Variants in ZPBP2 observed in about 807,000 individuals in gnomAD.
ZPBP2 encodes zona pellucida binding protein 2.
ZPBP2 carries 34 observed loss-of-function variants against 37.5 expected under a neutral mutation model. The observed-to-expected ratio is 0.91, with a 90% CI of 0.69 to 1.21. The LOEUF is 1.21. Ranked by LOEUF, ZPBP2 falls within the 50% of genes most tolerant of loss-of-function variation. The probability of loss-of-function intolerance (pLI) is 0.00; values close to 1 mark genes in which losing one functional copy is unlikely to be tolerated. For missense variants in ZPBP2, 397 were observed against 413.5 expected, an observed-to-expected ratio of 0.96 and a Z score of 0.35; for synonymous variants, 143 against 138.4, an observed-to-expected ratio of 1.03 and a Z score of -0.23.
In ZPBP2 at chr17:39,868,484, G is replaced by GC; in HGVS notation, c.53-62dup. ...GGTCCTGCCTCCTTCGCCTCGCCCTGCCCTGCCCGACTCTGAACCCTGCTC... is the reference window on the plus strand; with the variant it reads ...GGTCCTGCCTCCTTCGCCTCGCCCTGCCCCTGCCCGACTCTGAACCCTGCTC... On this transcript the variant is annotated intron_variant, in intron 1 of 7. Transcript: ENST00000348931. 2.5e-6 allele frequency: 4 copies of GC among 1,613,196 alleles called. No homozygotes were observed. In the Admixed American group the frequency reaches 6.7e-5, roughly 27 times the overall value.
At chr17:39,869,973 C>T (rs2063355984) in intron 2 of ZPBP2, among the ~76,000 whole-genome samples, 1 of 152,076 alleles carries the variant, frequency 6.6e-6, no homozygotes, top group Admixed American at 6.5e-5. Context: ...CTTGGCCTCC[C>T]AAAGTGCTGG....
In ZPBP2 at chr17:39,871,639, C is replaced by A; in HGVS notation, c.406+14C>A. 2 of 1,519,808 alleles carry A rather than the reference C, an allele frequency of 1.3e-6. No individual in the cohort carries two copies. The highest frequency in any genetic ancestry group is 1.8e-6 in the Non-Finnish European group (2 of 1,136,104). 94.1% of individuals were successfully genotyped at this position (1,519,808 alleles called of 1,614,324 possible). ...TTATGGTCTTTGGTAAGAATTTAGG[C>A]ACATTTTAACTTATACATTTAGTTT... is the stretch of plus-strand genomic sequence containing the variant. On this transcript the variant is annotated intron_variant, in intron 4 of 7. Coordinates refer to ENST00000348931, the MANE Select transcript of ZPBP2 (RefSeq NM_199321.3).
chr17:39,873,529 AT>A (rs779482192), intron 6 of ZPBP2, among the ~76,000 whole-genome samples: 1 of 151,174 alleles, frequency 6.6e-6, no homozygotes, highest in African/African-American at 2.4e-5. Context: ...TCAAGATGTG[AT>A]TTTTTTTTCT....
intron 6 of ZPBP2, among the ~76,000 whole-genome samples, chr17:39,873,703 A>G (rs1049796863): frequency 1.3e-5 from 2 of 152,184 alleles, no homozygotes; most frequent in African/African-American, 4.8e-5. Context: ...CTTAAAGAAC[A>G]ACTTCACAAA....
intron 7 of ZPBP2, 36 bp from the exon 8 acceptor site, chr17:39,876,646 C>G: frequency 6.2e-7 from 1 of 1,608,582 alleles, no homozygotes; most frequent in Non-Finnish European, 8.5e-7. Context: ...TAAAATATCT[C>G]TAAATTATAA....
At position 39,877,602 on chromosome 17, in the gene ZPBP2, C is replaced by G. The variant is rs981345377; in HGVS notation, c.*793C>G. Reference sequence around the variant, plus strand: ...CTGTGCTTCACTTATTTATCCCTCCCGCCGTGCCCTGGCAACCACTGATCT... The same window carrying G: ...CTGTGCTTCACTTATTTATCCCTCCGGCCGTGCCCTGGCAACCACTGATCT... On this transcript the variant is annotated 3_prime_UTR_variant, in exon 8 of 8. Coordinates refer to ENST00000348931, the MANE Select transcript of ZPBP2 (RefSeq NM_199321.3). The G allele has an allele frequency of 1.3e-5, 2 of 152,148 alleles. No individual in the cohort carries two copies. The highest frequency in any genetic ancestry group is 4.8e-5 in the African/African-American group (2 of 41,428). 9.4% of individuals were successfully genotyped at this position (152,148 alleles called of 1,614,324 possible).
chr17:39,869,902 A>G (rs377496212), intron 2 of ZPBP2, among the ~76,000 whole-genome samples: 14 of 149,600 alleles, frequency 9.4e-5, no homozygotes, highest in South Asian at 4.2e-4. Context: ...TTTAGTAGAG[A>G]TGGGGTTTCA....
Position 39,870,828 on chromosome 17 carries a change from G to T in ZPBP2, c.244+9G>T. 2 of 1,483,414 alleles carry T rather than the reference G, an allele frequency of 1.3e-6. No individual in the cohort carries two copies. Among genetic ancestry groups the T allele is most frequent in the South Asian group, 2.9e-5 (2 of 68,340 alleles). The allele number at this position is 1,483,414 out of a possible 1,614,324, so 91.9% of individuals were successfully genotyped here. On this transcript the variant is annotated intron_variant, in intron 3 of 7. Transcript: ENST00000348931. ...TGAAAAGACGTTAACAGGTAAATTT[G>T]ATTTTAATATGTACTTTTTTAATGA...
chr17:39,869,814 G>A (rs2063354656), intron 2 of ZPBP2, among the ~76,000 whole-genome samples: 1 of 148,586 alleles, frequency 6.7e-6, no homozygotes, highest in African/African-American at 2.5e-5. Flanking sequence ...CTGGATTCAA[G>A]CAATTCTTCT....
intron 7 of ZPBP2, among the ~76,000 whole-genome samples, chr17:39,875,957 G>A (rs1232380005): frequency 7.4e-6 from 1 of 135,728 alleles, no homozygotes; most frequent in East Asian, 2.2e-4. Context: ...AGTGCAGTGT[G>A]CAGTGTGGCG....
chr17:39,868,237 G>A lies in ZPBP2; in HGVS notation c.-118G>A. ...TCCCGCCGTTGCGACGGACGGGTAG[G>A]GGAGGCGACCCCGGCGTTCTGCTCC... is the stretch of plus-strand genomic sequence containing the variant. On this transcript the variant is annotated 5_prime_UTR_variant, in exon 1 of 8. Coordinates refer to ENST00000348931, the MANE Select transcript of ZPBP2 (RefSeq NM_199321.3). 2 of 1,183,774 alleles carry A rather than the reference G, an allele frequency of 1.7e-6. No homozygotes were observed. The highest frequency in any genetic ancestry group is 2.4e-6 in the Non-Finnish European group (2 of 844,368). The allele number at this position is 1,183,774 out of a possible 1,614,324, so 73.3% of individuals were successfully genotyped here.
intron 6 of ZPBP2, among the ~76,000 whole-genome samples, chr17:39,874,019 C>G (rs939611958): frequency 8.0e-6 from 1 of 125,096 alleles, no homozygotes; most frequent in Non-Finnish European, 1.6e-5. Flanking sequence ...GAGTCTTGCT[C>G]TGTTGCCCAG....
chr17:39,877,079 A>G lies in ZPBP2; in HGVS notation c.*270A>G, dbSNP rs1470013514. ...GTTTACAAACGGTATGTTGCTGTGT[A>G]CCTAAGAGTATAGTAAGGTCAAGAA... On this transcript the variant is annotated 3_prime_UTR_variant, in exon 8 of 8. Transcript: ENST00000348931. 3.3e-6 allele frequency: 1 copy of G among 305,442 alleles called. No homozygotes were observed. Among genetic ancestry groups the G allele is most frequent in the Non-Finnish European group, 6.4e-6 (1 of 156,884 alleles). 18.9% of individuals were successfully genotyped at this position (305,442 alleles called of 1,614,324 possible). A position where few individuals can be genotyped will look rare whatever the true frequency, so the allele number is the denominator to read the frequency against.
Position 39,876,936 on chromosome 17 carries a change from G to T in ZPBP2, c.*127G>T. The T allele has an allele frequency of 8.2e-7, 1 of 1,218,712 alleles. No homozygotes were observed. Among genetic ancestry groups the T allele is most frequent in the Non-Finnish European group, 1.1e-6 (1 of 873,788 alleles). 75.5% of individuals were successfully genotyped at this position (1,218,712 alleles called of 1,614,324 possible). A position where few individuals can be genotyped will look rare whatever the true frequency, so the allele number is the denominator to read the frequency against. On this transcript the variant is annotated 3_prime_UTR_variant, in exon 8 of 8. Coordinates refer to ENST00000348931, the MANE Select transcript of ZPBP2 (RefSeq NM_199321.3). ...CAAACCACTGGAAAACATGCATTTT[G>T]GAAACTTTAAAATAAATGGTTAACA... is the stretch of plus-strand genomic sequence containing the variant.
At chr17:39,876,637 A>G in intron 7 of ZPBP2, 45 bp from the exon 8 acceptor site, 1 of 1,605,660 alleles carries the variant, frequency 6.2e-7, no homozygotes, top group East Asian at 2.2e-5. Flanking sequence ...GTAGAGGCAT[A>G]AAATATCTCT....
At position 39,876,985 on chromosome 17, in the gene ZPBP2, A is replaced by G. The variant is rs2063393537; in HGVS notation, c.*176A>G. The G allele has an allele frequency of 1.5e-6, 1 of 649,618 alleles. No homozygotes were observed. The highest frequency in any genetic ancestry group is 2.5e-6 in the Non-Finnish European group (1 of 393,916). The allele number at this position is 649,618 out of a possible 1,614,324, so 40.2% of individuals were successfully genotyped here. The stretch of plus-strand genomic sequence containing the variant: ...CATGGCATTTCTAAGAAGGCATTTA[A>G]TCCAGTATCTCTAGTGTACAAAGGA... On this transcript the variant is annotated 3_prime_UTR_variant, in exon 8 of 8. Coordinates refer to ENST00000348931, the MANE Select transcript of ZPBP2 (RefSeq NM_199321.3).
At position 39,868,531 on chromosome 17, in the gene ZPBP2, G is replaced by T. The variant is rs762606878; in HGVS notation, c.53-18G>T. ...GCTCCTCTTCTAACTAAAAGTCAGT[G>T]TTTTATTTCCTCCGCAGTCCAATGC... On this transcript the variant is annotated intron_variant, in intron 1 of 7. Coordinates refer to ENST00000348931, the MANE Select transcript of ZPBP2 (RefSeq NM_199321.3). 1 of 1,614,138 alleles carries T rather than the reference G, an allele frequency of 6.2e-7. No individual in the cohort carries two copies. The highest frequency in any genetic ancestry group is 1.7e-5 in the Admixed American group (1 of 60,020).
chr17:39,870,985 C>G (rs574480978), intron 3 of ZPBP2, among the ~76,000 whole-genome samples, 166 bp downstream of exon 3: 2 of 152,146 alleles, frequency 1.3e-5, no homozygotes, highest in East Asian at 3.9e-4. Context: ...TTATTTTCTC[C>G]TTATGCAAAA....
intron 2 of ZPBP2, among the ~76,000 whole-genome samples, chr17:39,869,495 C>T (rs1271607497): frequency 6.7e-6 from 1 of 150,280 alleles, no homozygotes; most frequent in African/African-American, 2.5e-5. Flanking sequence ...ACCTCCGCCT[C>T]CTGGGTTCAA....
Sources: allele counts gnomAD v4.1 joint callset (sites outside exome capture counted in the v4.1 genomes callset), GRCh38; gene constraint gnomAD v4.1.1; transcripts MANE v1.5; gene names NCBI Gene and HGNC (gene_info 2026-07-23, HGNC 2026-07-21).